Variants in PTPRD observed in about 807,000 individuals in gnomAD.
PTPRD encodes the protein receptor-type tyrosine-protein phosphatase delta.
In PTPRD, 34 loss-of-function variants were observed where a neutral mutation model predicts 214.5. That is an observed-to-expected ratio of 0.16 (90% CI 0.12 to 0.21). The LOEUF is 0.21. Among genes scored for constraint, PTPRD ranks in the 10% least tolerant of loss-of-function variants. The probability of loss-of-function intolerance (pLI) is 1.00; values close to 1 mark genes in which losing one functional copy is unlikely to be tolerated. For missense variants in PTPRD, 2,545 were observed against 2,398.7 expected (o/e 1.06, Z -1.27); for synonymous variants, 1,128 against 845.7 (o/e 1.33, Z -5.79).
At chr9:10,318,443 G>T (rs12001091) in intron 3 of PTPRD, among the ~76,000 whole-genome samples, 7,495 of 151,872 alleles carry the variant, frequency 0.049, 590 homozygotes, top group African/African-American at 0.17. Flanking sequence ...CATATTAAAG[G>T]GCCTCAGGTT....
intron 14 of PTPRD, among the ~76,000 whole-genome samples, chr9:8,617,810 T>A (rs543173224): frequency 6.6e-6 from 1 of 152,224 alleles, no homozygotes; most frequent in East Asian, 1.9e-4. Context: ...CTCTTTATCT[T>A]TAGACTCTTG....
chr9:9,527,260 G>A (rs2154260774), intron 8 of PTPRD, among the ~76,000 whole-genome samples: 1 of 152,262 alleles, frequency 6.6e-6, no homozygotes. Context: ...ACCTATAAGT[G>A]TCTGTTGTGA....
intron 10 of PTPRD, among the ~76,000 whole-genome samples, chr9:9,144,137 TTAAA>T (rs1291537133): frequency 6.6e-6 from 1 of 152,174 alleles, no homozygotes; most frequent in African/African-American, 2.4e-5. Context: ...TTTAAAAAAG[TTAAA>T]TAAAGTGAAG....
intron 39 of PTPRD, among the ~76,000 whole-genome samples, chr9:8,344,496 G>C (rs925656952): frequency 6.6e-6 from 1 of 151,956 alleles, no homozygotes; most frequent in Non-Finnish European, 1.5e-5. Context: ...AAATACGTGT[G>C]AGTCCAAATC....
At chr9:9,741,614 A>G (rs540281249) in intron 6 of PTPRD, among the ~76,000 whole-genome samples, 1 of 152,154 alleles carries the variant, frequency 6.6e-6, no homozygotes, top group African/African-American at 2.4e-5. Flanking sequence ...TAGTCCCCCA[A>G]ACCCTGACAG....
intron 9 of PTPRD, among the ~76,000 whole-genome samples, chr9:9,229,423 C>T (rs1031028461): frequency 7.9e-5 from 12 of 152,006 alleles, no homozygotes; most frequent in African/African-American, 2.7e-4. Flanking sequence ...AAAGTCTGGC[C>T]GGCCTGTTCC....
intron 9 of PTPRD, among the ~76,000 whole-genome samples, chr9:9,363,111 C>CTTTTTTTTTTTTTTTTT (rs3048061): frequency 1.5e-5 from 2 of 129,862 alleles, no homozygotes; most frequent in Non-Finnish European, 1.7e-5. Flanking sequence ...CTATTTTGTG[C>CTTTTTTTTTTTTTTTTT]TTTTTTTTTT....
At chr9:8,779,410 G>T (rs1361018144) in intron 11 of PTPRD, among the ~76,000 whole-genome samples, 1 of 152,060 alleles carries the variant, frequency 6.6e-6, no homozygotes, top group African/African-American at 2.4e-5. Flanking sequence ...GGCTGGGTGG[G>T]GCCGGGAGGT....
At chr9:8,869,593 T>G (rs771689840) in intron 11 of PTPRD, among the ~76,000 whole-genome samples, 9 of 152,100 alleles carry the variant, frequency 5.9e-5, no homozygotes, top group Non-Finnish European at 1.2e-4. Context: ...AAAACCACCA[T>G]GATAACTCAA....
chr9:8,364,650 T>G (rs996765851), intron 39 of PTPRD, among the ~76,000 whole-genome samples: 1 of 152,206 alleles, frequency 6.6e-6, no homozygotes, highest in Non-Finnish European at 1.5e-5. Context: ...TGAAGTGGTT[T>G]CCACCATCAC....
intron 4 of PTPRD, among the ~76,000 whole-genome samples, chr9:10,023,837 G>C (rs1021905379): frequency 6.6e-6 from 1 of 151,790 alleles, no homozygotes; most frequent in Non-Finnish European, 1.5e-5. Flanking sequence ...ATTCATGATA[G>C]ACATAGCAGT....
chr9:9,756,961 T>C (rs1368074376), intron 6 of PTPRD, among the ~76,000 whole-genome samples: 3 of 152,200 alleles, frequency 2.0e-5, no homozygotes, highest in Non-Finnish European at 2.9e-5. Context: ...TCATTTTACC[T>C]GGAAAGTTTC....
chr9:9,410,384 T>C (rs2075000839), intron 8 of PTPRD, among the ~76,000 whole-genome samples: 1 of 152,038 alleles, frequency 6.6e-6, no homozygotes, highest in South Asian at 2.1e-4. Context: ...AAAAGAAAAA[T>C]GATTTGTGTC....
chr9:9,834,197 C>T (rs141287298), intron 5 of PTPRD, among the ~76,000 whole-genome samples: 72 of 152,200 alleles, frequency 4.7e-4, no homozygotes, highest in African/African-American at 1.6e-3. Context: ...GCCATGGCTT[C>T]AGCCGGTCCC....
At chr9:9,441,744 T>A (rs1346043849) in intron 8 of PTPRD, among the ~76,000 whole-genome samples, 1 of 152,216 alleles carries the variant, frequency 6.6e-6, no homozygotes. Context: ...TTGGCATTAA[T>A]GTCCCTTTTG....
intron 3 of PTPRD, among the ~76,000 whole-genome samples, chr9:10,120,181 T>A (rs558713921): frequency 3.3e-5 from 5 of 152,100 alleles, no homozygotes; most frequent in Non-Finnish European, 5.9e-5. Flanking sequence ...ATTTTCTGTA[T>A]GTAAGGCTTT....
intron 35 of PTPRD, among the ~76,000 whole-genome samples, chr9:8,406,079 T>C (rs1041781239): frequency 2.6e-5 from 4 of 152,144 alleles, no homozygotes; most frequent in Non-Finnish European, 4.4e-5. Flanking sequence ...ATATACAAAA[T>C]AGTCAATCAA....
chr9:8,432,630 T>C (rs2095129570), intron 35 of PTPRD, among the ~76,000 whole-genome samples: 1 of 152,244 alleles, frequency 6.6e-6, no homozygotes, highest in Non-Finnish European at 1.5e-5. Context: ...TCCATTTTCT[T>C]TGCTGAAAGC....
At chr9:10,367,895 G>C (rs1478464947) in intron 2 of PTPRD, among the ~76,000 whole-genome samples, 1 of 152,182 alleles carries the variant, frequency 6.6e-6, no homozygotes, top group East Asian at 1.9e-4. Flanking sequence ...AAGAAAATCT[G>C]CTTTACATGT....
Sources: gnomAD v4.1 joint callset for allele counts (sites outside exome capture counted in the v4.1 genomes callset) on GRCh38, gnomAD v4.1.1 for gene constraint, MANE v1.5 for transcripts, NCBI Gene and HGNC (gene_info 2026-07-23, HGNC 2026-07-21) for gene names.